The following SLC38A6 variants were observed in gnomAD, a reference collection of about 807,000 sequenced individuals.
The protein encoded by SLC38A6 is N system amino acid transporter NAT-1.
A neutral mutation model predicts 65.0 loss-of-function variants in SLC38A6; 73 were observed. The observed-to-expected ratio is 1.12, with a 90% CI of 0.93 to 1.37. The LOEUF (loss-of-function observed/expected upper bound fraction) is 1.37, where lower values mean the gene tolerates loss of function less well. Among genes scored for constraint, SLC38A6 ranks in the 40% most tolerant of loss-of-function variants. The pLI is 0.00. For synonymous variants in SLC38A6, 183 were observed against 178.8 expected, an observed-to-expected ratio of 1.02 and a Z score of -0.19; for missense variants, 561 against 531.1, an observed-to-expected ratio of 1.06 and a Z score of -0.55.
chr14:60,983,463 G>A (rs1235488152), intron 2 of SLC38A6, among the ~76,000 whole-genome samples: 3 of 152,160 alleles, frequency 2.0e-5, no homozygotes, highest in Non-Finnish European at 4.4e-5. Flanking sequence ...GGGTGACAGA[G>A]TGAGATCCTG....
intron 3 of SLC38A6, among the ~76,000 whole-genome samples, chr14:61,007,581 G>T (rs967285582): frequency 6.6e-6 from 1 of 152,152 alleles, no homozygotes; most frequent in Admixed American, 6.5e-5. Flanking sequence ...GTTCAAGGCT[G>T]CAGTGAGCTG....
intron 15 of SLC38A6, among the ~76,000 whole-genome samples, chr14:61,065,981 T>G (rs751741000): frequency 6.6e-6 from 1 of 152,164 alleles, no homozygotes; most frequent in Non-Finnish European, 1.5e-5. Context: ...TGAATTAATT[T>G]TAACCTGTTT....
intron 15 of SLC38A6, among the ~76,000 whole-genome samples, chr14:61,064,527 G>C (rs1235198514): frequency 6.7e-6 from 1 of 150,244 alleles, no homozygotes; most frequent in African/African-American, 2.5e-5. Context: ...AAAATTATTT[G>C]TGCAGGTATT....
At chr14:60,990,128 TCA>T (rs1790514808) in intron 3 of SLC38A6, among the ~76,000 whole-genome samples, 1 of 151,978 alleles carries the variant, frequency 6.6e-6, no homozygotes, top group Admixed American at 6.6e-5. Flanking sequence ...CCTGCAGGGT[TCA>T]AGCGATTCTC....
chr14:61,024,678 C>A (rs2040516237), intron 5 of SLC38A6, among the ~76,000 whole-genome samples: 1 of 152,200 alleles, frequency 6.6e-6, no homozygotes, highest in Non-Finnish European at 1.5e-5. Context: ...GTTGGTTTCA[C>A]ATTCATTTGA....
rs1491354682 is a variant in SLC38A6, at chr14:60,994,109, CAT to C, written c.310+9309_310+9310del. Among the ~76,000 whole-genome samples the C allele has an allele frequency of 2.0e-5, 3 of 152,322 alleles. No homozygotes were observed. In the South Asian group the frequency reaches 6.2e-4, roughly 32 times the overall value. Reference sequence around the variant, plus strand: ...GGTATTTACCCAAATGAGTTCAAGACATATTTCTACACAAAAACCTCCATAAA... The same window carrying C: ...GGTATTTACCCAAATGAGTTCAAGACATTTCTACACAAAAACCTCCATAAA... On this transcript the variant is annotated intron_variant, in intron 3 of 15. Transcript: ENST00000267488.
chr14:61,018,797 C>T (rs1386210807), intron 4 of SLC38A6, among the ~76,000 whole-genome samples: 2 of 152,098 alleles, frequency 1.3e-5, no homozygotes, highest in African/African-American at 4.8e-5. Context: ...AACTGATTAC[C>T]AACTAAGCAT....
At chr14:61,042,203 A>G (rs2041856435) in intron 8 of SLC38A6, among the ~76,000 whole-genome samples, 1 of 152,192 alleles carries the variant, frequency 6.6e-6, no homozygotes. Context: ...TCCTAAAAGT[A>G]TATGTTTTCC....
At chr14:61,062,945 C>T (rs187360293) in intron 15 of SLC38A6, among the ~76,000 whole-genome samples, 3 of 152,308 alleles carry the variant, frequency 2.0e-5, no homozygotes, top group East Asian at 3.9e-4. Context: ...TCCCAAAGTG[C>T]TGAGATTACA....
rs1157733031 is a variant in SLC38A6, at chr14:60,989,446, AGGTG to A, written c.310+4644_310+4647del. 1.5e-4 allele frequency among the ~76,000 whole-genome samples: 23 copies of A among 152,308 alleles called. No individual in the cohort carries two copies. The South Asian group carries it at 4.8e-3, about 32-fold the overall frequency. ...TTAAAATAATTGTCTAAACCAGGCC[AGGTG>A]TGGTGTCTCATGCCCGTAATCCTAG... On this transcript the variant is annotated intron_variant, in intron 3 of 15. Transcript: ENST00000267488.
chr14:61,065,980 T>G (rs1420708486), intron 15 of SLC38A6, among the ~76,000 whole-genome samples: 1 of 152,150 alleles, frequency 6.6e-6, no homozygotes, highest in Non-Finnish European at 1.5e-5. Context: ...CTGAATTAAT[T>G]TTAACCTGTT....
rs1170194664 is a variant in SLC38A6 at position 61,030,436 on chromosome 14, C to A, written c.404-9C>A. The A allele has an allele frequency of 1.9e-6, 3 of 1,588,092 alleles. No homozygotes were observed. Among genetic ancestry groups the A allele is most frequent in the African/African-American group, 2.7e-5 (2 of 73,648 alleles). ...AATTCTAATAGGAACACTATTTATT[C>A]TTTTGCAGCTATGTCATCTTATCTT... On this transcript the variant is annotated splice_polypyrimidine_tract_variant and intron_variant, in intron 5 of 15. Transcript: ENST00000267488.
rs555851663 is a variant in SLC38A6, at chr14:60,981,349, G to C, written c.72G>C (p.Ala24=). 1.9e-6 allele frequency: 3 copies of C among 1,609,488 alleles called. No homozygotes were observed. The highest frequency in any genetic ancestry group is 2.5e-6 in the Non-Finnish European group (3 of 1,178,100). ...WYVSVQQPEE[A]EAEELSPLLS... is the part of the protein sequence containing the mutation. ...TCTCTGTCCAGCAGCCTGAAGAAGCGGAGGCCGAAGAGTTGAGTCCGTTGC... is the reference window on the plus strand; with the variant it reads ...TCTCTGTCCAGCAGCCTGAAGAAGCCGAGGCCGAAGAGTTGAGTCCGTTGC... Residue 24 remains alanine (A), a synonymous_variant, in exon 1 of 16, where the codon GCG becomes GCC. Transcript: ENST00000267488.
At chr14:61,083,532 G>A in intron 16 of SLC38A6, 1 of 1,547,302 alleles carries the variant, frequency 6.5e-7, no homozygotes, top group South Asian at 1.2e-5. Flanking sequence ...AATTCAATGT[G>A]ACTGGTGTTC....
At chr14:61,045,217 G>T (rs2042062005) in intron 10 of SLC38A6, 129 bp from the exon 11 acceptor site, 1 of 621,608 alleles carries the variant, frequency 1.6e-6, no homozygotes, top group Admixed American at 3.0e-5. Context: ...TTTATAAAGA[G>T]AAGACTCATT....
chr14:61,047,645 C>T (rs1037829299), intron 12 of SLC38A6, among the ~76,000 whole-genome samples: 2 of 152,012 alleles, frequency 1.3e-5, no homozygotes, highest in Admixed American at 1.3e-4. Flanking sequence ...CTCACTTAAG[C>T]TCTAGGCATC....
At chr14:61,072,943 A>G (rs2139970499) in intron 15 of SLC38A6, among the ~76,000 whole-genome samples, 1 of 152,248 alleles carries the variant, frequency 6.6e-6, no homozygotes, top group East Asian at 1.9e-4. Flanking sequence ...TAGTTTTTTG[A>G]GGAACCTCCA....
intron 12 of SLC38A6, among the ~76,000 whole-genome samples, chr14:61,047,674 T>C (rs562375791): frequency 2.6e-5 from 4 of 152,258 alleles, no homozygotes; most frequent in South Asian, 4.1e-4. Flanking sequence ...TATGTATCTA[T>C]GTATAATCTA....
intron 1 of SLC38A6, 124 bp from the exon 2 acceptor site, chr14:60,982,384 G>T: frequency 8.2e-7 from 1 of 1,216,658 alleles, no homozygotes; most frequent in Non-Finnish European, 1.2e-6. Flanking sequence ...TAAGCAACGA[G>T]TGTGTCATAC....
Sources: gnomAD v4.1 joint callset for allele counts (sites outside exome capture counted in the v4.1 genomes callset) on GRCh38, gnomAD v4.1.1 for gene constraint, MANE v1.5 for transcripts, NCBI Gene and HGNC (gene_info 2026-07-23, HGNC 2026-07-21) for gene names.